CBY1: variants seen among roughly 807,000 people sequenced by gnomAD.
CBY1 encodes the protein chibby 1, beta catenin antagonist, also known as protein chibby homolog 1.
In CBY1, 10 loss-of-function variants were observed where a neutral mutation model predicts 15.6. The observed-to-expected ratio is 0.64, with a 90% CI of 0.40 to 1.09. The LOEUF is 1.09. Ranked by LOEUF, CBY1 falls within the 50% of genes least tolerant of loss-of-function variation. The probability of loss-of-function intolerance (pLI) is 0.01; values close to 1 mark genes in which losing one functional copy is unlikely to be tolerated. For synonymous variants in CBY1, 61 were observed against 63.5 expected (o/e 0.96, Z 0.19); for missense variants, 150 against 160.5 (o/e 0.93, Z 0.35).
At chr22:38,662,373 C>T (rs1409750900) in intron 1 of CBY1, among the ~76,000 whole-genome samples, 1 of 151,986 alleles carries the variant, frequency 6.6e-6, no homozygotes, top group Non-Finnish European at 1.5e-5. Context: ...ACACTAACCC[C>T]TGTTTTACAT....
At chr22:38,669,734 A>G (rs4821808) in intron 2 of CBY1, 44,278 of 151,858 alleles carry the variant, frequency 0.29, 6,497 homozygotes, top group East Asian at 0.36. Context: ...AGAGCTGGTC[A>G]TACGCATCCC....
At chr22:38,666,128 A>G (rs1172109927) in intron 1 of CBY1, among the ~76,000 whole-genome samples, 1 of 150,014 alleles carries the variant, frequency 6.7e-6, no homozygotes, top group Non-Finnish European at 1.5e-5. Context: ...ATAAACCACC[A>G]CGCCTGGCCC....
chr22:38,658,870 T>A (rs1042746815), intron 1 of CBY1, among the ~76,000 whole-genome samples: 1 of 152,260 alleles, frequency 6.6e-6, no homozygotes, highest in Non-Finnish European at 1.5e-5. Context: ...ATGTCAGAAG[T>A]CTTTCAGGTT....
At chr22:38,666,273 C>A (rs1037685580) in intron 1 of CBY1, among the ~76,000 whole-genome samples, 2 of 141,488 alleles carry the variant, frequency 1.4e-5, no homozygotes, top group African/African-American at 5.3e-5. Context: ...TAGAGACGGG[C>A]CCTGCTAAGT....
intron 1 of CBY1, among the ~76,000 whole-genome samples, chr22:38,661,611 C>A (rs1269895035): frequency 1.3e-5 from 2 of 152,140 alleles, no homozygotes; most frequent in Non-Finnish European, 2.9e-5. Flanking sequence ...AGCTTCTTAA[C>A]TTTTATCATT....
intron 2 of CBY1, chr22:38,668,474 G>A (rs568504760): frequency 2.8e-5 from 5 of 178,734 alleles, no homozygotes; most frequent in East Asian, 1.7e-4. Flanking sequence ...GGGTTCAAGC[G>A]ATTCTCCTTC....
chr22:38,662,052 A>C (rs995486845), intron 1 of CBY1, among the ~76,000 whole-genome samples: 3 of 152,196 alleles, frequency 2.0e-5, no homozygotes, highest in African/African-American at 7.2e-5. Flanking sequence ...CTGTAATCCC[A>C]GCACTTTGAG....
intron 2 of CBY1, 157 bp downstream of exon 2, chr22:38,668,289 T>A: frequency 1.8e-6 from 1 of 568,400 alleles, no homozygotes; most frequent in South Asian, 2.3e-5. Context: ...TGAACTCTTG[T>A]TTGGGAATGA....
chr22:38,672,047 A>G (rs963941480), intron 4 of CBY1, among the ~76,000 whole-genome samples: 2 of 151,924 alleles, frequency 1.3e-5, no homozygotes, highest in Non-Finnish European at 2.9e-5. Context: ...ACGGGTCACA[A>G]GGTCAGGAGT....
intron 1 of CBY1, among the ~76,000 whole-genome samples, chr22:38,667,169 C>T (rs778256628): frequency 1.3e-5 from 2 of 151,904 alleles, no homozygotes; most frequent in African/African-American, 2.4e-5. Context: ...CACCACCATA[C>T]CTGGCTAATT....
chr22:38,662,099 C>T (rs1306208991), intron 1 of CBY1, among the ~76,000 whole-genome samples: 1 of 152,018 alleles, frequency 6.6e-6, no homozygotes, highest in Non-Finnish European at 1.5e-5. Flanking sequence ...CTCAGGAGTT[C>T]GTGACCAGCC....
chr22:38,668,092 C>T lies in CBY1; in HGVS notation c.38C>T (p.Thr13Ile), dbSNP rs2092441994. Reference sequence around the variant, plus strand: ...GGGAATACGTTCAGTCCGAAGAAGACACCTCCTCGGAAGTCGGCATCTCTC... The same window carrying T: ...GGGAATACGTTCAGTCCGAAGAAGATACCTCCTCGGAAGTCGGCATCTCTC... ...FFGNTFSPKK[T>I]PPRKSASLSN... The change falls in exon 2 of 5, where the codon ACA becomes ATA. Residue 13 changes from threonine (T) to isoleucine (I), a missense_variant. Transcript: ENST00000216029. The T allele has an allele frequency of 6.2e-7, 1 of 1,613,416 alleles. No homozygotes were observed. The highest frequency in any genetic ancestry group is 8.5e-7 in the Non-Finnish European group (1 of 1,179,532).
chr22:38,657,106 A>G, intron 1 of CBY1: 1 of 984,060 alleles, frequency 1.0e-6, no homozygotes, highest in Non-Finnish European at 1.2e-6. Context: ...GAATCCGATG[A>G]AAACCAGAGA....
At chr22:38,672,650 G>GT (rs1469377740) in intron 4 of CBY1, among the ~76,000 whole-genome samples, 8 of 151,996 alleles carry the variant, frequency 5.3e-5, no homozygotes. Context: ...CATAATCGTA[G>GT]TATCTACCTC....
intron 1 of CBY1, among the ~76,000 whole-genome samples, chr22:38,659,545 C>A (rs941181001): frequency 6.6e-6 from 1 of 152,092 alleles, no homozygotes; most frequent in Non-Finnish European, 1.5e-5. Context: ...CCACCGTGCC[C>A]GGCTTAGGCC....
At chr22:38,660,491 G>T (rs2092419010) in intron 1 of CBY1, among the ~76,000 whole-genome samples, 1 of 151,930 alleles carries the variant, frequency 6.6e-6, no homozygotes, top group Non-Finnish European at 1.5e-5. Flanking sequence ...CACCACACCA[G>T]GCCGAAAATG....
intron 1 of CBY1, among the ~76,000 whole-genome samples, chr22:38,658,417 C>T (rs1301369228): frequency 6.6e-6 from 1 of 151,698 alleles, no homozygotes; most frequent in Non-Finnish European, 1.5e-5. Flanking sequence ...AGCCACCGTA[C>T]CTGGCCTCTT....
chr22:38,667,997 C>G lies in CBY1; in HGVS notation c.-38-20C>G. ...GTCAGTGATCCAGCTGCTTGTACCC[C>G]TGACTTTTTCTGACCCTAGGAGAAG... On this transcript the variant is annotated intron_variant, in intron 1 of 4. Transcript: ENST00000216029. 6.8e-7 allele frequency: 1 copy of G among 1,460,334 alleles called. No individual in the cohort carries two copies. 90.5% of individuals were successfully genotyped at this position (1,460,334 alleles called of 1,614,324 possible).
chr22:38,665,993 T>A (rs554643176), intron 1 of CBY1, among the ~76,000 whole-genome samples: 4 of 151,922 alleles, frequency 2.6e-5, no homozygotes, highest in African/African-American at 9.6e-5. Flanking sequence ...AAATAAAATT[T>A]AAAAAATACT....
Sources: gnomAD v4.1 joint callset for allele counts (sites outside exome capture counted in the v4.1 genomes callset) on GRCh38, gnomAD v4.1.1 for gene constraint, MANE v1.5 for transcripts, NCBI Gene and HGNC (gene_info 2026-07-23, HGNC 2026-07-21) for gene names.